PON2: variants seen among roughly 807,000 people sequenced by gnomAD.
PON2 encodes the protein paraoxonase 2.
PON2 carries 27 observed loss-of-function variants against 36.6 expected under a neutral mutation model. The observed-to-expected ratio is 0.74, with a 90% CI of 0.54 to 1.02. The LOEUF (loss-of-function observed/expected upper bound fraction) is 1.02. Ranked by LOEUF, PON2 falls within the 50% of genes least tolerant of loss-of-function variation. PON2 has a pLI of 0.00. For missense variants in PON2, 363 were observed against 421.1 expected, an observed-to-expected ratio of 0.86 and a Z score of 1.21; for synonymous variants, 149 against 156.3, an observed-to-expected ratio of 0.95 and a Z score of 0.35.
At chr7:95,425,116 T>C (rs1789286376) in intron 1 of PON2, among the ~76,000 whole-genome samples, 1 of 152,180 alleles carries the variant, frequency 6.6e-6, no homozygotes, top group South Asian at 2.1e-4. Flanking sequence ...TATGACAGTA[T>C]TTTTTTAAAT....
At chr7:95,409,336 A>G (rs1262716220) in intron 6 of PON2, among the ~76,000 whole-genome samples, 1 of 151,406 alleles carries the variant, frequency 6.6e-6, no homozygotes, top group Non-Finnish European at 1.5e-5. Context: ...AAAAAAAAAC[A>G]CTCTCCTAGG....
At chr7:95,409,774 ATAT>A (rs1205349338) in intron 6 of PON2, 124 bp downstream of exon 6, 2 of 513,566 alleles carry the variant, frequency 3.9e-6, no homozygotes, top group African/African-American at 4.0e-5. Flanking sequence ...GTGTATCTAT[ATAT>A]TATATGTATA....
intron 2 of PON2, among the ~76,000 whole-genome samples, chr7:95,423,468 T>C: frequency 6.6e-6 from 1 of 152,050 alleles, no homozygotes; most frequent in Non-Finnish European, 1.5e-5. Flanking sequence ...ACACAGACTC[T>C]ACCTTGGAGA....
Position 95,434,911 on chromosome 7 carries a change from AGC to A in PON2, c.39_40del (p.Leu14GlyfsTer15). On this transcript the variant is annotated frameshift_variant, in exon 1 of 9. Coordinates refer to ENST00000222572, the MANE Select transcript of PON2 (RefSeq NM_000305.3). LOFTEE classifies it high-confidence loss of function. ...CAGAAGCCTCTCGCCCAGGAGCGCC[AGC>A]GCGATCCCCAGCAAGCCCACAGCCA... 1.3e-6 allele frequency: 2 copies of A among 1,539,562 alleles called. No individual in the cohort carries two copies. Among genetic ancestry groups the A allele is most frequent in the Non-Finnish European group, 1.7e-6 (2 of 1,145,116 alleles).
chr7:95,434,590 C>T (rs1789518403), intron 1 of PON2, among the ~76,000 whole-genome samples: 1 of 152,224 alleles, frequency 6.6e-6, no homozygotes, highest in Non-Finnish European at 1.5e-5. Flanking sequence ...AAAGCATTCT[C>T]TTGTCAGCCT....
chr7:95,428,231 TAC>T (rs1254349570), intron 1 of PON2, among the ~76,000 whole-genome samples: 3 of 152,224 alleles, frequency 2.0e-5, no homozygotes, highest in African/African-American at 7.2e-5. Context: ...TCTTTTTCAT[TAC>T]AGTTATTTAT....
intron 1 of PON2, among the ~76,000 whole-genome samples, chr7:95,425,764 C>G (rs1417192400): frequency 1.3e-5 from 2 of 152,002 alleles, no homozygotes; most frequent in Non-Finnish European, 2.9e-5. Flanking sequence ...CATAAAGTTT[C>G]TAATTAAAAT....
At chr7:95,433,509 A>C (rs1213541749) in intron 1 of PON2, among the ~76,000 whole-genome samples, 1 of 152,190 alleles carries the variant, frequency 6.6e-6, no homozygotes, top group Non-Finnish European at 1.5e-5. Context: ...TTCCAGGCTT[A>C]TCTCTATAAA....
chr7:95,410,018 A>C lies in PON2; in HGVS notation c.578T>G (p.Leu193Ter). 1 of 1,613,542 alleles carries C rather than the reference A, an allele frequency of 6.2e-7. No homozygotes were observed. Among genetic ancestry groups the C allele is most frequent in the Non-Finnish European group, 8.5e-7 (1 of 1,179,546 alleles). The change falls in exon 6 of 9, where the codon TTA (leucine) becomes TGA (stop). Residue 193 changes from leucine (L) to a stop codon, truncating the protein, a stop_gained. Transcript: ENST00000222572. LOFTEE classifies it high-confidence loss of function. The stretch of plus-strand genomic sequence containing the variant: ...CCAGTGTAAGTTCAAGTATGTTTCT[A>C]AATACTTTAAGAAAGGATCAGAGAA... Reference protein sequence around the residue: ...HYFSDPFLKYLETYLNLHWAN... With the variant: ...HYFSDPFLKY
chr7:95,405,628 G>A (rs1809663919), intron 8 of PON2, 140 bp from the exon 9 acceptor site: 1 of 857,576 alleles, frequency 1.2e-6, no homozygotes, highest in East Asian at 2.6e-5. Flanking sequence ...TCTTTTTAAT[G>A]TTTAAATTAA....
intron 7 of PON2, among the ~76,000 whole-genome samples, chr7:95,406,679 G>A (rs546158727): frequency 6.6e-6 from 1 of 152,172 alleles, no homozygotes; most frequent in East Asian, 1.9e-4. Flanking sequence ...ACCTTCATTT[G>A]AGAATTCATC....
chr7:95,411,803 T>A (rs376137985), intron 4 of PON2, 24 bp from the exon 5 acceptor site: 7 of 1,612,044 alleles, frequency 4.3e-6, no homozygotes, highest in Non-Finnish European at 5.9e-6. Context: ...AGAACAGAGT[T>A]AATTTACAAG....
intron 1 of PON2, among the ~76,000 whole-genome samples, chr7:95,433,248 T>TTTTA (rs17876062): frequency 0.012 from 1,786 of 152,098 alleles, 26 homozygotes; most frequent in South Asian, 0.042. Flanking sequence ...AAATTTTGTT[T>TTTTA]TTTATTTATT....
At chr7:95,411,976 A>C (rs1182558999) in intron 4 of PON2, among the ~76,000 whole-genome samples, 197 bp from the exon 5 acceptor site, 1 of 152,176 alleles carries the variant, frequency 6.6e-6, no homozygotes. Context: ...ACCTTTAAGA[A>C]AGTGTTTCCT....
At chr7:95,408,020 G>A (rs1249182034) in intron 6 of PON2, among the ~76,000 whole-genome samples, 3 of 152,194 alleles carry the variant, frequency 2.0e-5, no homozygotes, top group African/African-American at 7.2e-5. Flanking sequence ...TAGTAGAAAA[G>A]GGAGGTTGGA....
In PON2 at chr7:95,404,868, TTTAG is replaced by T. The variant is rs1809634648; in HGVS notation, c.*458_*461del. On this transcript the variant is annotated 3_prime_UTR_variant, in exon 9 of 9. Transcript: ENST00000222572. The stretch of plus-strand genomic sequence containing the variant: ...AATTAAACACAGACAAAACTGGGAT[TTTAG>T]TTAGTCTTTAATATAACTCCAACTT... 1.2e-5 allele frequency: 2 copies of T among 161,658 alleles called. No homozygotes were observed. Among genetic ancestry groups the T allele is most frequent in the Admixed American group, 5.9e-5 (1 of 17,060 alleles). The allele number at this position is 161,658 out of a possible 1,614,324, so 10.0% of individuals were successfully genotyped here.
Position 95,406,394 on chromosome 7 carries a change from G to A in PON2, c.778-147C>T, listed in dbSNP as rs996372095. 14 of 891,612 alleles carry A rather than the reference G, an allele frequency of 1.6e-5. No individual in the cohort carries two copies. The African/African-American group carries it at 2.4e-4, about 15-fold the overall frequency. 55.2% of individuals were successfully genotyped at this position (891,612 alleles called of 1,614,324 possible). On this transcript the variant is annotated intron_variant, in intron 7 of 8. Coordinates refer to ENST00000222572, the MANE Select transcript of PON2 (RefSeq NM_000305.3). ...AACACCAATATTGCTTAAAAGGAAT[G>A]TATTAAAAACTGGTTTGGAGCCACT...
intron 2 of PON2, among the ~76,000 whole-genome samples, chr7:95,417,728 G>A (rs1041257579): frequency 2.2e-5 from 2 of 89,464 alleles, no homozygotes; most frequent in African/African-American, 9.4e-5. Flanking sequence ...CACACACACC[G>A]AGAGAGAATT....
chr7:95,432,781 G>A (rs984091413), intron 1 of PON2, among the ~76,000 whole-genome samples: 1 of 152,260 alleles, frequency 6.6e-6, no homozygotes, highest in Middle Eastern at 3.4e-3. Flanking sequence ...ACCCATAAGC[G>A]TTCTTTCCTC....
Sources: gnomAD v4.1 joint callset for allele counts (sites outside exome capture counted in the v4.1 genomes callset) on GRCh38, gnomAD v4.1.1 for gene constraint, MANE v1.5 for transcripts, NCBI Gene and HGNC (gene_info 2026-07-23, HGNC 2026-07-21) for gene names.